The following NBEA variants were observed in gnomAD, a reference collection of about 807,000 sequenced individuals.
The protein encoded by NBEA is neurobeachin.
A neutral mutation model predicts 343.4 loss-of-function variants in NBEA; 44 were observed. That is an observed-to-expected ratio of 0.13 (90% CI 0.10 to 0.16). The LOEUF is 0.16. Among genes scored for constraint, NBEA ranks in the 10% least tolerant of loss-of-function variants. NBEA has a pLI of 1.00. For synonymous variants in NBEA, 1,175 were observed against 1,238.7 expected (o/e 0.95, Z 1.08); for missense variants, 2,555 against 3,631.3 (o/e 0.70, Z 7.62).
chr13:34,973,452 TC>T (rs2060064174), intron 1 of NBEA, among the ~76,000 whole-genome samples: 1 of 152,178 alleles, frequency 6.6e-6, no homozygotes, highest in South Asian at 2.1e-4. Flanking sequence ...GGGAGCTCTG[TC>T]CCAGGAAGTT....
intron 1 of NBEA, among the ~76,000 whole-genome samples, chr13:34,951,594 G>A (rs1026580267): frequency 6.6e-6 from 1 of 152,192 alleles, no homozygotes; most frequent in African/African-American, 2.4e-5. Context: ...TCCTGCTGAA[G>A]CACAGGACAT....
At chr13:35,259,536 T>C (rs2033014685) in intron 34 of NBEA, among the ~76,000 whole-genome samples, 1 of 152,156 alleles carries the variant, frequency 6.6e-6, no homozygotes, top group Non-Finnish European at 1.5e-5. Flanking sequence ...TTTTTGTAAA[T>C]GATAGATTCT....
chr13:35,136,915 C>A (rs984329654), intron 17 of NBEA, among the ~76,000 whole-genome samples: 1 of 152,194 alleles, frequency 6.6e-6, no homozygotes, highest in Non-Finnish European at 1.5e-5. Flanking sequence ...GAAGACCCAA[C>A]AATTCATACA....
chr13:35,472,448 T>C lies in NBEA; in HGVS notation c.6497T>C (p.Val2166Ala). 11 of 1,613,998 alleles carry C rather than the reference T, an allele frequency of 6.8e-6. No individual in the cohort carries two copies. Among genetic ancestry groups the C allele is most frequent in the African/African-American group, 1.3e-5 (1 of 75,054 alleles). ...TPAQLIAPVV[V>A]AKGTLSITTT... ...GCCCAGCTCATCGCTCCCGTGGTGG[T>C]GGCCAAGGGGACTCTCTCCATCACC... The change falls in exon 41 of 59, where the codon GTG (valine) becomes GCG (alanine). Residue 2166 changes from valine to alanine, a missense_variant. Physicochemically the swap from Val to Ala is moderately conservative, Grantham distance 64. Coordinates refer to ENST00000379939, the MANE Select transcript of NBEA (RefSeq NM_001385012.1).
chr13:35,541,381 A>G (rs1566291736), intron 41 of NBEA, among the ~76,000 whole-genome samples: 1 of 152,010 alleles, frequency 6.6e-6, no homozygotes, highest in Non-Finnish European at 1.5e-5. Flanking sequence ...GTCAGCTGAT[A>G]AATATTTGTT....
chr13:35,472,364 G>T (rs772612021), intron 40 of NBEA, 36 bp from the exon 41 acceptor site: 2 of 1,598,688 alleles, frequency 1.3e-6, no homozygotes, highest in South Asian at 1.1e-5. Context: ...AGGGCCACAG[G>T]GGCTCAGCCT....
intron 38 of NBEA, among the ~76,000 whole-genome samples, chr13:35,378,376 A>T (rs7983706): frequency 0.3 from 46,120 of 152,068 alleles, 9,313 homozygotes; most frequent in African/African-American, 0.58. Context: ...TCAGAAAATA[A>T]AATAGGTCAT....
intron 17 of NBEA, among the ~76,000 whole-genome samples, chr13:35,132,261 G>A (rs568739343): frequency 6.6e-6 from 1 of 152,204 alleles, no homozygotes; most frequent in South Asian, 2.1e-4. Context: ...ATGTTCAAGC[G>A]ATTCTTCTGC....
intron 40 of NBEA, among the ~76,000 whole-genome samples, chr13:35,463,472 A>C (rs2047013538): frequency 6.6e-6 from 1 of 152,032 alleles, no homozygotes; most frequent in Non-Finnish European, 1.5e-5. Flanking sequence ...AAAAATTTAA[A>C]AAATTAGCCA....
At chr13:35,194,601 C>T (rs778617712) in intron 30 of NBEA, among the ~76,000 whole-genome samples, 1 of 152,024 alleles carries the variant, frequency 6.6e-6, no homozygotes, top group Non-Finnish European at 1.5e-5. Flanking sequence ...AAAGTGAGAA[C>T]TGCAGTGAAT....
intron 33 of NBEA, among the ~76,000 whole-genome samples, chr13:35,223,204 A>T (rs982589337): frequency 6.6e-5 from 10 of 152,266 alleles, no homozygotes; most frequent in African/African-American, 2.4e-4. Flanking sequence ...AGAGCAATTA[A>T]AAATAAATGC....
chr13:35,397,171 A>C (rs2042785808), intron 38 of NBEA, among the ~76,000 whole-genome samples: 2 of 152,222 alleles, frequency 1.3e-5, no homozygotes, highest in Admixed American at 6.5e-5. Context: ...ACCTTTTAGA[A>C]CACATTTGAT....
At chr13:34,989,275 A>T (rs1000863227) in intron 1 of NBEA, among the ~76,000 whole-genome samples, 1 of 150,990 alleles carries the variant, frequency 6.6e-6, no homozygotes, top group African/African-American at 2.4e-5. Flanking sequence ...TATACCCAAT[A>T]AATGTATTAG....
At chr13:35,484,639 CT>C (rs1266873536) in intron 41 of NBEA, among the ~76,000 whole-genome samples, 2 of 151,908 alleles carry the variant, frequency 1.3e-5, no homozygotes, top group Non-Finnish European at 2.9e-5. Context: ...GGATGGATAA[CT>C]TTTGTGCCTC....
At chr13:34,957,309 T>C (rs775345616) in intron 1 of NBEA, among the ~76,000 whole-genome samples, 4 of 152,086 alleles carry the variant, frequency 2.6e-5, no homozygotes, top group Admixed American at 6.6e-5. Context: ...AAGACAGTCT[T>C]AAAAGGTGAG....
intron 41 of NBEA, chr13:35,475,212 G>A (rs2152960665): frequency 6.2e-7 from 1 of 1,614,034 alleles, no homozygotes; most frequent in Non-Finnish European, 8.5e-7. Flanking sequence ...ACTGCAGGCA[G>A]GAGATAAGTT....
chr13:35,294,271 C>A (rs1188351499), intron 35 of NBEA, among the ~76,000 whole-genome samples: 2 of 150,998 alleles, frequency 1.3e-5, no homozygotes, highest in East Asian at 1.9e-4. Context: ...AATGATTTGG[C>A]CTTTGAACAT....
At chr13:34,993,674 G>T (rs1028083748) in intron 1 of NBEA, among the ~76,000 whole-genome samples, 1 of 152,120 alleles carries the variant, frequency 6.6e-6, no homozygotes, top group African/African-American at 2.4e-5. Context: ...ATGACCCCTG[G>T]TTACAACATA....
At chr13:34,971,933 T>G (rs2152499591) in intron 1 of NBEA, among the ~76,000 whole-genome samples, 1 of 152,260 alleles carries the variant, frequency 6.6e-6, no homozygotes, top group East Asian at 1.9e-4. Context: ...AGCTCTTCTT[T>G]GCACGTCTGG....
Sources: gnomAD v4.1 joint callset for allele counts (sites outside exome capture counted in the v4.1 genomes callset) on GRCh38, gnomAD v4.1.1 for gene constraint, MANE v1.5 for transcripts, NCBI Gene and HGNC (gene_info 2026-07-23, HGNC 2026-07-21) for gene names.